Variants in CSMD3 observed in about 807,000 individuals in gnomAD.
The protein encoded by CSMD3 is CUB and Sushi multiple domains 3, also known as CUB and sushi domain-containing protein 3.
CSMD3 carries 177 observed loss-of-function variants against 435.2 expected under a neutral mutation model. The observed-to-expected ratio is 0.41, with a 90% CI of 0.36 to 0.46. CSMD3 has a LOEUF of 0.46. CSMD3 is among the 20% of genes least tolerant of loss of function. The pLI, the probability that CSMD3 is intolerant of heterozygous loss-of-function variation, is 0.34. For synonymous variants in CSMD3, 1,656 were observed against 1,520.5 expected, an observed-to-expected ratio of 1.09 and a Z score of -2.07; for missense variants, 4,265 against 4,504.6, an observed-to-expected ratio of 0.95 and a Z score of 1.52.
At chr8:112,670,120 TG>T (rs751287304) in intron 16 of CSMD3, among the ~76,000 whole-genome samples, 4 of 152,188 alleles carry the variant, frequency 2.6e-5, no homozygotes. Context: ...GAAGAGATTC[TG>T]TTTAATTTGA....
intron 32 of CSMD3, among the ~76,000 whole-genome samples, chr8:112,454,128 C>T (rs545198890): frequency 5.9e-5 from 9 of 152,268 alleles, no homozygotes; most frequent in South Asian, 2.1e-4. Flanking sequence ...AAACGTAAGA[C>T]GTCAAACTAT....
At position 112,984,002 on chromosome 8, in the gene CSMD3, T is replaced by C. The variant is rs571873300; in HGVS notation, c.1031-7854A>G. On this transcript the variant is annotated intron_variant, in intron 6 of 70. Transcript: ENST00000297405. ...TTGGTATTCTGTAGCAGCAAATTAA[T>C]TAGTAGAAGGAGTTATTTTCTCGAA... 6.6e-5 allele frequency among the ~76,000 whole-genome samples: 10 copies of C among 152,036 alleles called. No individual in the cohort carries two copies. In the South Asian group the frequency reaches 1.9e-3, roughly 28 times the overall value.
rs1751769298 is a variant in CSMD3 at position 112,306,023 on chromosome 8, C to T, written c.8055G>A (p.Lys2685=). 3.1e-6 allele frequency: 5 copies of T among 1,613,526 alleles called. No homozygotes were observed. The highest frequency in any genetic ancestry group is 4.2e-6 in the Non-Finnish European group (5 of 1,179,560). The change falls in exon 51 of 71, where the codon AAG becomes AAA. Residue 2685 remains lysine, a synonymous_variant. Coordinates refer to ENST00000297405, the MANE Select transcript of CSMD3 (RefSeq NM_198123.2). ...CACACATACCAACACAGCGAGGGGT[C>T]TTGTTATGATTGCTCCATGTTCCAT... ...QSDGTWSNHN[K]TPRCVVVTCP... is the part of the protein sequence containing the mutation.
intron 6 of CSMD3, among the ~76,000 whole-genome samples, chr8:112,988,929 T>C (rs1219325873): frequency 1.3e-5 from 2 of 152,094 alleles, no homozygotes; most frequent in Non-Finnish European, 2.9e-5. Flanking sequence ...TGAAAATTTA[T>C]ACAGCTGCGG....
At chr8:112,668,968 A>G (rs2131720774) in intron 16 of CSMD3, among the ~76,000 whole-genome samples, 2 of 152,108 alleles carry the variant, frequency 1.3e-5, no homozygotes, top group Middle Eastern at 6.8e-3. Context: ...AAACAGCTGA[A>G]GAAAAAAAAA....
At chr8:113,237,849 G>T (rs180738706) in intron 3 of CSMD3, among the ~76,000 whole-genome samples, 212 of 152,194 alleles carry the variant, frequency 1.4e-3, no homozygotes, top group Non-Finnish European at 2.4e-3. Flanking sequence ...GGCCGAGGTG[G>T]GCAGATCACG....
chr8:112,279,383 G>T (rs1157029137), intron 59 of CSMD3, among the ~76,000 whole-genome samples: 1 of 152,122 alleles, frequency 6.6e-6, no homozygotes, highest in Non-Finnish European at 1.5e-5. Context: ...CTTAAACATT[G>T]AAACTGTTGC....
At chr8:112,704,424 T>C (rs979607601) in intron 13 of CSMD3, among the ~76,000 whole-genome samples, 1 of 152,162 alleles carries the variant, frequency 6.6e-6, no homozygotes, top group Non-Finnish European at 1.5e-5. Context: ...TCACAAGCCA[T>C]TTATATCGTC....
Position 112,247,138 on chromosome 8 carries a change from C to CA in CSMD3, c.10111-8dup. On this transcript the variant is annotated splice_region_variant and splice_polypyrimidine_tract_variant and intron_variant, in intron 63 of 70. Coordinates refer to ENST00000297405, the MANE Select transcript of CSMD3 (RefSeq NM_198123.2). ...ACTGTACAACACTTCCTACCTATAG[C>CA]AAATTAAAGAGAGGAAAAAAATATT... 5.1e-6 allele frequency: 8 copies of CA among 1,581,234 alleles called. No individual in the cohort carries two copies. Among genetic ancestry groups the CA allele is most frequent in the Non-Finnish European group, 7.0e-6 (8 of 1,150,666 alleles).
chr8:112,851,836 T>C (rs1023419626), intron 11 of CSMD3, among the ~76,000 whole-genome samples: 7 of 152,050 alleles, frequency 4.6e-5, no homozygotes, highest in African/African-American at 1.7e-4. Flanking sequence ...CAATACATAC[T>C]TATTTGAATG....
rs2091300335 is a variant in CSMD3, at chr8:113,132,191, G to C, written c.710-33228C>G. On this transcript the variant is annotated intron_variant, in intron 4 of 70. Transcript: ENST00000297405. ...AGTGGAAGGTAATTACCTTGCCTCA[G>C]ATGACACTTTGGACTTGGTCTTTTG... Among the ~76,000 whole-genome samples, 4 of 152,192 alleles carry C rather than the reference G, an allele frequency of 2.6e-5. No individual in the cohort carries two copies. The South Asian group carries it at 8.3e-4, about 32-fold the overall frequency.
chr8:113,225,386 A>AC (rs1324515782), intron 3 of CSMD3, among the ~76,000 whole-genome samples: 2 of 151,508 alleles, frequency 1.3e-5, no homozygotes, highest in African/African-American at 4.8e-5. Context: ...CCTTTCTACT[A>AC]GTCAGATGTC....
At chr8:112,986,651 A>T (rs2085265176) in intron 6 of CSMD3, among the ~76,000 whole-genome samples, 1 of 152,144 alleles carries the variant, frequency 6.6e-6, no homozygotes, top group Admixed American at 6.6e-5. Context: ...TTGAGAATTA[A>T]ATCCATAGAT....
chr8:112,854,503 C>T (rs544069982), intron 11 of CSMD3, among the ~76,000 whole-genome samples: 1 of 152,258 alleles, frequency 6.6e-6, no homozygotes, highest in Admixed American at 6.5e-5. Context: ...AATTACAGCT[C>T]ACATCATGGT....
At chr8:113,129,956 G>GA (rs1019103701) in intron 4 of CSMD3, among the ~76,000 whole-genome samples, 3 of 151,562 alleles carry the variant, frequency 2.0e-5, no homozygotes, top group Admixed American at 6.6e-5. Flanking sequence ...ATGATACTCT[G>GA]AAAATCTAAC....
intron 3 of CSMD3, among the ~76,000 whole-genome samples, chr8:113,254,857 T>C (rs1264012495): frequency 1.3e-5 from 2 of 152,186 alleles, no homozygotes; most frequent in South Asian, 2.1e-4. Flanking sequence ...AAACACACTA[T>C]ATTAAGGTCA....
At chr8:112,486,477 T>C (rs1820146456) in intron 31 of CSMD3, among the ~76,000 whole-genome samples, 1 of 152,096 alleles carries the variant, frequency 6.6e-6, no homozygotes, top group Non-Finnish European at 1.5e-5. Context: ...CAAAATAATA[T>C]GTAATATTAT....
At chr8:112,984,094 T>C (rs1479417855) in intron 6 of CSMD3, among the ~76,000 whole-genome samples, 1 of 151,984 alleles carries the variant, frequency 6.6e-6, no homozygotes, top group Non-Finnish European at 1.5e-5. Context: ...TCAGAAATGA[T>C]AAGAATATAG....
chr8:113,311,747 T>C (rs2093870918), intron 2 of CSMD3: 2 of 152,148 alleles, frequency 1.3e-5, no homozygotes, highest in Non-Finnish European at 2.9e-5. Flanking sequence ...TTTCCAGTCT[T>C]GCTAACTAAA....
Sources: gnomAD v4.1 joint callset for allele counts (sites outside exome capture counted in the v4.1 genomes callset) on GRCh38, gnomAD v4.1.1 for gene constraint, MANE v1.5 for transcripts, NCBI Gene and HGNC (gene_info 2026-07-23, HGNC 2026-07-21) for gene names.